Variants in ANO2 observed in about 807,000 individuals in gnomAD.
ANO2 encodes anoctamin-2.
A neutral mutation model predicts 124.2 loss-of-function variants in ANO2; 101 were observed. The ratio of observed to expected loss-of-function variants is 0.81; its 90% CI spans 0.69 to 0.96. ANO2 has a LOEUF of 0.96. ANO2 is among the 40% of genes least tolerant of loss of function. ANO2 has a pLI of 0.00. For synonymous variants in ANO2, 486 were observed against 482.5 expected (o/e 1.01, Z -0.09); for missense variants, 1,293 against 1,274.5 (o/e 1.01, Z -0.22).
chr12:5,698,029 G>T (rs1949258035), intron 14 of ANO2, among the ~76,000 whole-genome samples: 1 of 152,232 alleles, frequency 6.6e-6, no homozygotes, highest in Non-Finnish European at 1.5e-5. Flanking sequence ...ACCTCTGGGG[G>T]CAGGGCATAG....
At chr12:5,894,145 C>T (rs1939607424) in intron 3 of ANO2, among the ~76,000 whole-genome samples, 1 of 152,184 alleles carries the variant, frequency 6.6e-6, no homozygotes, top group African/African-American at 2.4e-5. Context: ...TCCTCTCCAG[C>T]ATCTGTTGTT....
In ANO2 at chr12:5,636,604, C is replaced by CTA. The variant is rs1374772839; in HGVS notation, c.1621-1259_1621-1258dup. 1.8e-4 allele frequency among the ~76,000 whole-genome samples: 11 copies of CTA among 60,750 alleles called. No homozygotes were observed. The East Asian group carries it at 6.0e-3, about 33-fold the overall frequency. 39.9% of individuals were successfully genotyped at this position (60,750 alleles called of 152,430 possible). A position where few individuals can be genotyped will look rare whatever the true frequency, so the allele number is the denominator to read the frequency against. ...CCCTGAAAAAATAAGCTGTGCTGGA[C>CTA]TACACACACACACACACACACACAC... On this transcript the variant is annotated intron_variant, in intron 15 of 24. Transcript: ENST00000682330. This position sits in a 1 kb window ranked among gnomAD's most constrained non-coding sequence, Gnocchi z 4.6.
intron 14 of ANO2, among the ~76,000 whole-genome samples, chr12:5,649,068 T>C (rs1449919617): frequency 6.6e-6 from 1 of 152,158 alleles, no homozygotes; most frequent in Non-Finnish European, 1.5e-5. Context: ...AAAATTGACA[T>C]GATCACTACT....
At chr12:5,921,441 C>T in intron 2 of ANO2, 75 bp from the exon 3 acceptor site, 3 of 1,445,770 alleles carry the variant, frequency 2.1e-6, no homozygotes, top group Non-Finnish European at 2.8e-6. Context: ...CTGATCTATG[C>T]TCTGGGCTCA....
At chr12:5,931,189 T>C (rs1047884921) in intron 1 of ANO2, among the ~76,000 whole-genome samples, 9 of 152,174 alleles carry the variant, frequency 5.9e-5, no homozygotes, top group African/African-American at 2.4e-5. Context: ...GGGTCTTTCA[T>C]GATCGAGTCC....
intron 3 of ANO2, among the ~76,000 whole-genome samples, chr12:5,920,630 C>A (rs1428778819): frequency 6.6e-6 from 1 of 152,106 alleles, no homozygotes; most frequent in East Asian, 1.9e-4. Context: ...CTTTGGGAGG[C>A]CGAGGATGCC....
intron 5 of ANO2, 81 bp downstream of exon 5, chr12:5,832,371 C>A: frequency 1.3e-6 from 2 of 1,546,082 alleles, no homozygotes; most frequent in South Asian, 1.2e-5. Context: ...TTTGGGAGCC[C>A]CAGGGCTGAG....
At chr12:5,864,986 CTAA>C (rs1363140577) in intron 3 of ANO2, among the ~76,000 whole-genome samples, 2 of 152,182 alleles carry the variant, frequency 1.3e-5, no homozygotes, top group Non-Finnish European at 2.9e-5. Context: ...TTCATTATCT[CTAA>C]TGTCTCTCCT....
intron 19 of ANO2, 92 bp from the exon 20 acceptor site, chr12:5,599,721 A>G: frequency 7.2e-7 from 1 of 1,383,662 alleles, no homozygotes; most frequent in Non-Finnish European, 9.9e-7. Context: ...AAAAGTTTTG[A>G]CACTAAAGCC....
chr12:5,927,030 A>T (rs952958909), intron 1 of ANO2, among the ~76,000 whole-genome samples: 64 of 152,152 alleles, frequency 4.2e-4, no homozygotes, highest in African/African-American at 1.5e-3. Flanking sequence ...CTACTTCAGG[A>T]CGTCCATGCT....
At chr12:5,738,661 T>C (rs748418913) in intron 13 of ANO2, among the ~76,000 whole-genome samples, 1 of 152,114 alleles carries the variant, frequency 6.6e-6, no homozygotes, top group Admixed American at 6.5e-5. Context: ...GAATAGATCA[T>C]GGGAGCAAGC....
At chr12:5,876,314 C>A (rs1938098946) in intron 3 of ANO2, among the ~76,000 whole-genome samples, 1 of 152,176 alleles carries the variant, frequency 6.6e-6, no homozygotes, top group Admixed American at 6.5e-5. Context: ...GCTCTTAGAA[C>A]CGCATCATAT....
At chr12:5,695,152 T>C (rs1321713323) in intron 14 of ANO2, among the ~76,000 whole-genome samples, 1 of 151,932 alleles carries the variant, frequency 6.6e-6, no homozygotes, top group Non-Finnish European at 1.5e-5. Context: ...AAGGAAATGG[T>C]CCTCATTAAA....
At chr12:5,894,286 T>C (rs138409933) in intron 3 of ANO2, among the ~76,000 whole-genome samples, 5,648 of 152,292 alleles carry the variant, frequency 0.037, 146 homozygotes, top group Middle Eastern at 0.054. Context: ...ATAAATGTCT[T>C]CTTTTGAGAA....
intron 4 of ANO2, 81 bp downstream of exon 4, chr12:5,853,962 T>A: frequency 1.0e-6 from 1 of 964,482 alleles, no homozygotes; most frequent in South Asian, 1.7e-5. Flanking sequence ...AAAACCCACA[T>A]CCCACCTGGC....
At chr12:5,792,452 G>GGTTATGTTTTCCAGCCTGGTTA (rs1952725849) in intron 10 of ANO2, among the ~76,000 whole-genome samples, 1 of 152,078 alleles carries the variant, frequency 6.6e-6, no homozygotes, top group African/African-American at 2.4e-5. Context: ...TTTTCTTTAG[G>GGTTATGTTTTCCAGCCTGGTTA]TGTGATGACC....
At chr12:5,903,676 T>TGTGTGTGTGG (rs766669740) in intron 3 of ANO2, among the ~76,000 whole-genome samples, 4 of 149,696 alleles carry the variant, frequency 2.7e-5, no homozygotes, top group African/African-American at 1.0e-4. Flanking sequence ...TGTGTGTGTG[T>TGTGTGTGTGG]GGGTGTAGAC....
At chr12:5,776,074 T>A (rs1720992823) in intron 10 of ANO2, among the ~76,000 whole-genome samples, 1 of 152,146 alleles carries the variant, frequency 6.6e-6, no homozygotes, top group South Asian at 2.1e-4. Context: ...AACCAATCAG[T>A]CCTTCCTCAG....
intron 3 of ANO2, among the ~76,000 whole-genome samples, chr12:5,909,384 T>A (rs11063911): frequency 0.11 from 16,971 of 152,190 alleles, 2,179 homozygotes; most frequent in African/African-American, 0.32. Flanking sequence ...TTGCAAAAAC[T>A]TTATCAATTT....
Sources: allele counts gnomAD v4.1 joint callset (sites outside exome capture counted in the v4.1 genomes callset), GRCh38; gene constraint gnomAD v4.1.1; non-coding constraint Gnocchi (gnomAD v3.1); transcripts MANE v1.5; gene names NCBI Gene and HGNC (gene_info 2026-07-23, HGNC 2026-07-21).